Variants in RSPH14 observed in about 807,000 individuals in gnomAD.
RSPH14 encodes rhabdoid tumor deletion region gene 1.
In RSPH14, 20 loss-of-function variants were observed where a neutral mutation model predicts 26.7. That is an observed-to-expected ratio of 0.75 (90% CI 0.53 to 1.09). The LOEUF (loss-of-function observed/expected upper bound fraction) is 1.09. RSPH14 is among the 50% of genes least tolerant of loss of function. The pLI, the probability that RSPH14 is intolerant of heterozygous loss-of-function variation, is 0.00. For missense variants in RSPH14, 449 were observed against 457.2 expected (o/e 0.98, Z 0.16); for synonymous variants, 177 against 189.3 (o/e 0.93, Z 0.53).
the RSPH14 span, chr22:23,161,436 C>A: frequency 7.1e-7 from 1 of 1,399,846 alleles, no homozygotes; most frequent in Non-Finnish European, 1.0e-6. Flanking sequence ...GGGCCGGCAT[C>A]CCCTGCCCAG....
intron 4 of RSPH14, among the ~76,000 whole-genome samples, chr22:23,094,719 C>T (rs1293249905): frequency 6.6e-6 from 1 of 152,236 alleles, no homozygotes; most frequent in Non-Finnish European, 1.5e-5. Context: ...AGAGTGCCCT[C>T]AAGGGAAAGC....
At chr22:23,098,408 C>T (rs2069188018) in intron 4 of RSPH14, among the ~76,000 whole-genome samples, 1 of 152,188 alleles carries the variant, frequency 6.6e-6, no homozygotes, top group Non-Finnish European at 1.5e-5. Context: ...GCTGGGTGGC[C>T]CCTGTGGGGC....
the RSPH14 span, among the ~76,000 whole-genome samples, chr22:23,179,285 G>C: frequency 2.2e-5 from 2 of 91,358 alleles, no homozygotes; most frequent in Non-Finnish European, 5.4e-5. Flanking sequence ...AGGGAGAGGT[G>C]GTCAGGACTC....
intron 4 of RSPH14, among the ~76,000 whole-genome samples, chr22:23,099,598 G>A (rs931105550): frequency 5.9e-5 from 9 of 152,238 alleles, no homozygotes; most frequent in South Asian, 4.1e-4. Context: ...TGGCGCTGGC[G>A]GGCCCCCAGC....
intron 4 of RSPH14, among the ~76,000 whole-genome samples, chr22:23,069,678 G>A (rs1304279468): frequency 6.6e-6 from 1 of 152,158 alleles, no homozygotes. Context: ...GATTGCCAGG[G>A]ACGCCAAAGA....
chr22:23,146,635 C>A (rs1410627490), upstream of RSPH14: 12 of 1,614,000 alleles, frequency 7.4e-6, no homozygotes, highest in Non-Finnish European at 1.0e-5. Flanking sequence ...CTCCCTGACA[C>A]CTTTGGGGCC....
At chr22:23,103,533 C>T (rs1256487196) in intron 4 of RSPH14, among the ~76,000 whole-genome samples, 2 of 152,184 alleles carry the variant, frequency 1.3e-5, no homozygotes, top group African/African-American at 4.8e-5. Context: ...GTGTTTACCC[C>T]GCTGGAGAAA....
At chr22:23,064,172 C>T (rs1024940648) in intron 4 of RSPH14, 39 bp from the exon 5 acceptor site, 3 of 1,581,858 alleles carry the variant, frequency 1.9e-6, no homozygotes, top group Non-Finnish European at 2.6e-6. Context: ...GGGCTGGCCA[C>T]ACACCCACCC....
At chr22:23,155,194 A>G in the RSPH14 span, among the ~76,000 whole-genome samples, 2 of 152,218 alleles carry the variant, frequency 1.3e-5, no homozygotes, top group South Asian at 2.1e-4. Flanking sequence ...GTTTACTGAG[A>G]AAAGTTCAAT....
the RSPH14 span, among the ~76,000 whole-genome samples, chr22:23,157,265 T>C: frequency 2.0e-5 from 3 of 152,034 alleles, no homozygotes; most frequent in East Asian, 3.9e-4. Context: ...TTTTTTTTTT[T>C]TTTGAGCCTG....
At chr22:23,078,696 C>T (rs962865909) in intron 4 of RSPH14, among the ~76,000 whole-genome samples, 26 of 152,218 alleles carry the variant, frequency 1.7e-4, no homozygotes, top group African/African-American at 6.3e-4. Flanking sequence ...GGGGATTATC[C>T]CCATCACTGG....
chr22:23,115,136 G>A (rs975226669), intron 4 of RSPH14, among the ~76,000 whole-genome samples: 1 of 152,194 alleles, frequency 6.6e-6, no homozygotes, highest in African/African-American at 2.4e-5. Flanking sequence ...AAGGGACCTA[G>A]TGGAGAGTGA....
At chr22:23,171,571 C>T in the RSPH14 span, among the ~76,000 whole-genome samples, 27 of 152,154 alleles carry the variant, frequency 1.8e-4, no homozygotes, top group Non-Finnish European at 3.2e-4. Flanking sequence ...ATGCTGAGCG[C>T]GGTGGCTCAC....
intron 4 of RSPH14, among the ~76,000 whole-genome samples, chr22:23,079,897 G>A (rs1214134912): frequency 6.6e-6 from 1 of 152,208 alleles, no homozygotes; most frequent in Non-Finnish European, 1.5e-5. Flanking sequence ...AGGTCCCCAA[G>A]GTAGGGGATG....
chr22:23,179,839 T>G, the RSPH14 span: 1 of 212,124 alleles, frequency 4.7e-6, no homozygotes, highest in African/African-American at 2.3e-5. Context: ...CTCTGTGAGT[T>G]GGGCCCTGCT....
intron 4 of RSPH14, among the ~76,000 whole-genome samples, chr22:23,081,190 G>A (rs916913489): frequency 1.3e-5 from 2 of 152,220 alleles, no homozygotes; most frequent in Non-Finnish European, 2.9e-5. Context: ...GAGTATAACA[G>A]CCTAAAGTTC....
chr22:23,160,114 T>C, the RSPH14 span, among the ~76,000 whole-genome samples: 1 of 152,144 alleles, frequency 6.6e-6, no homozygotes, highest in East Asian at 1.9e-4. Flanking sequence ...TTACCCTGTG[T>C]AAGAGGGGAC....
At chr22:23,132,794 T>C (rs1423451807) in intron 4 of RSPH14, 1 of 152,116 alleles carries the variant, frequency 6.6e-6, no homozygotes, top group Non-Finnish European at 1.5e-5. Context: ...TACAGTCCCA[T>C]TACTGATCGG....
At chr22:23,166,147 T>TAAAAAA in the RSPH14 span, among the ~76,000 whole-genome samples, 19 of 59,886 alleles carry the variant, frequency 3.2e-4, no homozygotes, top group African/African-American at 1.4e-3. Flanking sequence ...CTCTGTCTTT[T>TAAAAAA]AAAAAAAAAA....
Sources: gnomAD v4.1 joint callset for allele counts (sites outside exome capture counted in the v4.1 genomes callset) on GRCh38, gnomAD v4.1.1 for gene constraint, MANE v1.5 for transcripts, NCBI Gene and HGNC (gene_info 2026-07-23, HGNC 2026-07-21) for gene names.